Variants in TIAM2 observed in about 807,000 individuals in gnomAD.
TIAM2 encodes the protein rho guanine nucleotide exchange factor TIAM2.
In TIAM2, 80 loss-of-function variants were observed where a neutral mutation model predicts 152.9. The observed-to-expected ratio is 0.52, with a 90% confidence interval of 0.44 to 0.63. The LOEUF is 0.63. Among genes scored for constraint, TIAM2 ranks in the 30% least tolerant of loss-of-function variants. The pLI, the probability that TIAM2 is intolerant of heterozygous loss-of-function variation, is 0.00. For synonymous variants in TIAM2, 804 were observed against 838.0 expected, an observed-to-expected ratio of 0.96 and a Z score of 0.70; for missense variants, 1,965 against 2,120.1, an observed-to-expected ratio of 0.93 and a Z score of 1.44.
At chr6:155,146,768 A>AT (rs373361803) in intron 6 of TIAM2, among the ~76,000 whole-genome samples, 3,819 of 135,562 alleles carry the variant, frequency 0.028, 98 homozygotes, top group African/African-American at 0.069. Context: ...TGCCTGGCTA[A>AT]TTTTTTTTTT....
intron 1 of TIAM2, among the ~76,000 whole-genome samples, chr6:155,076,746 T>G (rs1777968719): frequency 6.6e-6 from 1 of 152,194 alleles, no homozygotes; most frequent in African/African-American, 2.4e-5. Context: ...GACAGTGCAG[T>G]GCAGTGGCAC....
chr6:155,060,196 G>A (rs1777544390), intron 1 of TIAM2, among the ~76,000 whole-genome samples: 1 of 152,114 alleles, frequency 6.6e-6, no homozygotes, highest in South Asian at 2.1e-4. Context: ...CTGAGGTTGG[G>A]AGTTCGAGAC....
rs78464140 is a variant in TIAM2, at chr6:155,235,068, C to G, written c.3169-5462C>G. Among the ~76,000 whole-genome samples, 750 of 152,266 alleles carry G rather than the reference C, an allele frequency of 4.9e-3. 6 individuals are homozygous for G. Among genetic ancestry groups the G allele is most frequent in the African/African-American group, 0.017 (692 of 41,546 alleles). ...GAACAGAGCTAGAGATGGAGCAGAG[C>G]TAGAGAGGGGAACGGGCCCTGTGCC... On this transcript the variant is annotated intron_variant, in intron 15 of 26. Coordinates refer to ENST00000682666, the MANE Select transcript of TIAM2 (RefSeq NM_012454.4).
chr6:155,081,945 TC>T (rs1437083590), intron 1 of TIAM2, among the ~76,000 whole-genome samples: 27 of 152,128 alleles, frequency 1.8e-4, no homozygotes, highest in Non-Finnish European at 7.3e-5. Flanking sequence ...TATTCAGTGG[TC>T]CCCCATTTGG....
chr6:155,191,375 G>T (rs190443279), intron 14 of TIAM2, among the ~76,000 whole-genome samples: 173 of 152,364 alleles, frequency 1.1e-3, no homozygotes, highest in Non-Finnish European at 1.8e-3. Flanking sequence ...TAAATGCCAT[G>T]TAAGTGTGTG....
At chr6:155,023,979 T>C (rs1256083163) in intron 1 of TIAM2, among the ~76,000 whole-genome samples, 1 of 152,146 alleles carries the variant, frequency 6.6e-6, no homozygotes, top group African/African-American at 2.4e-5. Flanking sequence ...TCAGAGGCTG[T>C]ACCAGACACT....
At position 155,137,504 on chromosome 6, in the gene TIAM2, C is replaced by T. The variant is rs144343329; in HGVS notation, c.1522C>T (p.Arg508Trp). 1.2e-5 allele frequency: 19 copies of T among 1,614,008 alleles called. No individual in the cohort carries two copies. The African/African-American group carries it at 1.2e-4, about 10-fold the overall frequency. Residue 508 changes from arginine (R) to tryptophan (W), a missense_variant, in exon 5 of 27, where the codon CGG (arginine) becomes TGG (tryptophan). Around this residue, in one of 3 missense-constraint regions of TIAM2, gnomAD observed 1,025 missense variants for 1,119.4 expected, o/e 0.92. Coordinates refer to ENST00000682666, the MANE Select transcript of TIAM2 (RefSeq NM_012454.4). ...LLFEKEQGVV[R>W]KAGWLFFKPL... ...CTTTGAGAAGGAACAGGGGGTGGTC[C>T]GGAAGGCCGGGTGGCTCTTCTTCAA...
At chr6:155,162,959 G>T (rs17086010) in intron 7 of TIAM2, among the ~76,000 whole-genome samples, 5 of 152,192 alleles carry the variant, frequency 3.3e-5, no homozygotes, top group Non-Finnish European at 7.3e-5. Context: ...CAGAAAAGTT[G>T]TGCAGCGACC....
At chr6:155,240,219 A>C (rs1044193787) in intron 15 of TIAM2, among the ~76,000 whole-genome samples, 2 of 152,208 alleles carry the variant, frequency 1.3e-5, no homozygotes, top group Non-Finnish European at 1.5e-5. Context: ...GAGCTACCTC[A>C]CCTTGACTGC....
At chr6:155,102,792 TG>T (rs1484376787) in intron 2 of TIAM2, among the ~76,000 whole-genome samples, 5 of 151,774 alleles carry the variant, frequency 3.3e-5, no homozygotes, top group Non-Finnish European at 1.5e-5. Flanking sequence ...TGTGTGTGTG[TG>T]TGTGTGTGTG....
intron 2 of TIAM2, among the ~76,000 whole-genome samples, chr6:155,101,688 A>T (rs759177942): frequency 1.4e-4 from 21 of 152,142 alleles, no homozygotes; most frequent in Admixed American, 9.2e-4. Flanking sequence ...TATTTCTGAT[A>T]GTTCACATTA....
chr6:155,059,317 T>TGTGC (rs1777520385), intron 1 of TIAM2, among the ~76,000 whole-genome samples: 1 of 131,726 alleles, frequency 7.6e-6, no homozygotes, highest in African/African-American at 3.4e-5. Flanking sequence ...TGTGTGTGTG[T>TGTGC]GTGTGTGTGC....
intron 15 of TIAM2, among the ~76,000 whole-genome samples, chr6:155,231,692 A>G (rs6557412): frequency 0.98 from 148,825 of 152,328 alleles, 72,727 homozygotes; most frequent in East Asian, 1. Context: ...GCAGTGGGGT[A>G]GCCCAGGGTA....
intron 1 of TIAM2, among the ~76,000 whole-genome samples, chr6:155,053,864 A>G (rs545947814): frequency 6.6e-6 from 1 of 152,274 alleles, no homozygotes; most frequent in East Asian, 1.9e-4. Flanking sequence ...GGAGGGTTAC[A>G]CTTTTTATAG....
intron 4 of TIAM2, among the ~76,000 whole-genome samples, chr6:155,136,525 C>T (rs1042682566): frequency 2.6e-5 from 4 of 152,026 alleles, no homozygotes; most frequent in East Asian, 1.9e-4. Context: ...CCACCTGCCT[C>T]GGCCTCCCAA....
At chr6:155,089,947 AGTCT>A (rs746063897) in intron 1 of TIAM2, among the ~76,000 whole-genome samples, 113 of 152,142 alleles carry the variant, frequency 7.4e-4, no homozygotes, top group South Asian at 2.1e-3. Context: ...TCCGTCCGTC[AGTCT>A]GTCTGTCCAT....
intron 14 of TIAM2, among the ~76,000 whole-genome samples, chr6:155,194,152 G>A (rs1470147661): frequency 6.6e-6 from 1 of 152,224 alleles, no homozygotes; most frequent in East Asian, 1.9e-4. Context: ...GAAGGTAGAT[G>A]AGGGGGCATA....
chr6:155,060,259 G>A (rs529338048), intron 1 of TIAM2, among the ~76,000 whole-genome samples: 31 of 151,560 alleles, frequency 2.0e-4, no homozygotes, highest in African/African-American at 4.3e-4. Context: ...CAAAATTAGC[G>A]GGCGTGGTGG....
intron 7 of TIAM2, among the ~76,000 whole-genome samples, chr6:155,152,689 C>T (rs1364667575): frequency 6.6e-6 from 1 of 152,014 alleles, no homozygotes; most frequent in South Asian, 2.1e-4. Context: ...TGACCATAAT[C>T]GTAGTCGAAG....
Sources: gnomAD v4.1 joint callset for allele counts (sites outside exome capture counted in the v4.1 genomes callset) on GRCh38, gnomAD v4.1.1 for gene constraint, gnomAD v4.1.1 regional missense constraint, MANE v1.5 for transcripts, NCBI Gene and HGNC (gene_info 2026-07-23, HGNC 2026-07-21) for gene names.